The following PPM1L variants were observed in gnomAD, a reference collection of about 807,000 sequenced individuals.
PPM1L encodes the protein protein phosphatase, Mg2+/Mn2+ dependent 1L.
In PPM1L, 13 loss-of-function variants were observed where a neutral mutation model predicts 31.4. That is an observed-to-expected ratio of 0.41 (90% CI 0.27 to 0.66). The LOEUF (loss-of-function observed/expected upper bound fraction) is 0.66, where lower values mean the gene tolerates loss of function less well. Among genes scored for constraint, PPM1L ranks in the 30% least tolerant of loss-of-function variants. The pLI, the probability that PPM1L is intolerant of heterozygous loss-of-function variation, is 0.29. For missense variants in PPM1L, 326 were observed against 453.7 expected, an observed-to-expected ratio of 0.72 and a Z score of 2.56; for synonymous variants, 184 against 175.4, an observed-to-expected ratio of 1.05 and a Z score of -0.39.
At chr3:161,003,331 T>C (rs1717574291) in intron 2 of PPM1L, among the ~76,000 whole-genome samples, 1 of 151,226 alleles carries the variant, frequency 6.6e-6, no homozygotes, top group Non-Finnish European at 1.5e-5. Context: ...GGCTCTTTTT[T>C]GGTTCCATAT....
intron 1 of PPM1L, among the ~76,000 whole-genome samples, chr3:160,913,493 A>G (rs1714043175): frequency 6.6e-6 from 1 of 152,142 alleles, no homozygotes; most frequent in Middle Eastern, 3.2e-3. Context: ...TATAAATACC[A>G]CCACTATCAA....
At chr3:160,977,477 G>A (rs373143787) in intron 2 of PPM1L, among the ~76,000 whole-genome samples, 17 of 152,272 alleles carry the variant, frequency 1.1e-4, no homozygotes, top group African/African-American at 4.1e-4. Context: ...TTTGACTTCT[G>A]TATCTATGAA....
intron 1 of PPM1L, among the ~76,000 whole-genome samples, chr3:160,881,170 G>A (rs1712698310): frequency 6.6e-6 from 1 of 152,240 alleles, no homozygotes; most frequent in East Asian, 1.9e-4. Context: ...AAGGAGTACT[G>A]TACTATTATG....
chr3:160,952,160 A>G (rs575938056), intron 1 of PPM1L, among the ~76,000 whole-genome samples: 2 of 152,176 alleles, frequency 1.3e-5, no homozygotes, highest in African/African-American at 4.8e-5. Flanking sequence ...ATGAGAGAAG[A>G]ATAACTCCCT....
intron 1 of PPM1L, among the ~76,000 whole-genome samples, chr3:160,877,610 A>C (rs968972584): frequency 2.0e-5 from 3 of 152,164 alleles, no homozygotes; most frequent in African/African-American, 7.2e-5. Context: ...AATAGGCAAA[A>C]GAAAGAGAAA....
chr3:160,897,303 A>G (rs1049304614), intron 1 of PPM1L, among the ~76,000 whole-genome samples: 2 of 152,110 alleles, frequency 1.3e-5, no homozygotes, highest in African/African-American at 4.8e-5. Context: ...GGCCTCCCAA[A>G]GTGCTGGGAT....
At chr3:160,875,992 T>TA (rs1190338342) in intron 1 of PPM1L, among the ~76,000 whole-genome samples, 3 of 152,262 alleles carry the variant, frequency 2.0e-5, no homozygotes, top group African/African-American at 7.2e-5. Flanking sequence ...TTATTTGCTG[T>TA]AAGTCCTAGT....
intron 1 of PPM1L, among the ~76,000 whole-genome samples, chr3:160,940,408 C>G (rs1001097740): frequency 6.6e-6 from 1 of 152,188 alleles, no homozygotes; most frequent in Non-Finnish European, 1.5e-5. Context: ...GACCTCATGG[C>G]AGCCCCTCCC....
chr3:160,918,426 G>A (rs1053691439), intron 1 of PPM1L, among the ~76,000 whole-genome samples: 2 of 152,202 alleles, frequency 1.3e-5, no homozygotes, highest in African/African-American at 4.8e-5. Context: ...TGGAAAATTT[G>A]CGCTCTAATC....
At chr3:160,781,403 C>T (rs1711743840) in intron 1 of PPM1L, among the ~76,000 whole-genome samples, 3 of 152,132 alleles carry the variant, frequency 2.0e-5, no homozygotes, top group Admixed American at 6.5e-5. Flanking sequence ...AGATCTTCCT[C>T]GCCAAATAGG....
chr3:160,801,657 C>A (rs555195797), intron 1 of PPM1L, among the ~76,000 whole-genome samples: 1 of 152,292 alleles, frequency 6.6e-6, no homozygotes, highest in Non-Finnish European at 1.5e-5. Flanking sequence ...CTTGCACTCT[C>A]TTGATTTTAC....
At chr3:160,973,764 G>GGTTCTTTTTTTTTTTTTT (rs1716435982) in intron 2 of PPM1L, among the ~76,000 whole-genome samples, 1 of 88,450 alleles carries the variant, frequency 1.1e-5, no homozygotes, top group Non-Finnish European at 2.6e-5. Flanking sequence ...GAAAGGCCCT[G>GGTTCTTTTTTTTTTTTTT]TTTTTTTTTT....
intron 1 of PPM1L, among the ~76,000 whole-genome samples, chr3:160,952,256 G>T (rs1715597354): frequency 6.6e-6 from 1 of 152,186 alleles, no homozygotes. Flanking sequence ...GCTGTCAAAA[G>T]TTAATGATAT....
At chr3:160,838,021 C>T (rs1345516225) in intron 1 of PPM1L, among the ~76,000 whole-genome samples, 4 of 152,092 alleles carry the variant, frequency 2.6e-5, no homozygotes, top group African/African-American at 9.7e-5. Context: ...TGGGGTAGAA[C>T]TGGAAGAGTG....
chr3:160,969,711 G>A (rs1331452576), intron 2 of PPM1L, among the ~76,000 whole-genome samples: 1 of 152,156 alleles, frequency 6.6e-6, no homozygotes, highest in East Asian at 1.9e-4. Context: ...GGGACTTGTT[G>A]ACAAGAATTG....
intron 1 of PPM1L, among the ~76,000 whole-genome samples, chr3:160,951,263 C>T (rs961601735): frequency 2.0e-5 from 3 of 152,162 alleles, no homozygotes; most frequent in Non-Finnish European, 4.4e-5. Flanking sequence ...CATCATGAAA[C>T]TAGTACAAAC....
Position 160,839,178 on chromosome 3 carries a change from A to G in PPM1L, c.399+82471A>G, listed in dbSNP as rs144356255. Among the ~76,000 whole-genome samples the G allele has an allele frequency of 2.9e-3, 441 of 152,330 alleles. 2 individuals are homozygous for G. Among genetic ancestry groups the G allele is most frequent in the Middle Eastern group, 0.01 (3 of 294 alleles). On this transcript the variant is annotated intron_variant, in intron 1 of 3. Transcript: ENST00000498165. Reference sequence around the variant, plus strand: ...AATAAATCTTTATTGTTTATAAATTACCCAGTCTGTGGTAATTGGTTATAG... The same window carrying G: ...AATAAATCTTTATTGTTTATAAATTGCCCAGTCTGTGGTAATTGGTTATAG...
At chr3:161,029,992 A>T (rs1257066745) in intron 2 of PPM1L, among the ~76,000 whole-genome samples, 2 of 152,196 alleles carry the variant, frequency 1.3e-5, no homozygotes, top group Admixed American at 6.5e-5. Flanking sequence ...TGGCCCATGG[A>T]AACTTGGGAA....
intron 1 of PPM1L, among the ~76,000 whole-genome samples, chr3:160,834,845 G>A (rs1328665873): frequency 1.3e-5 from 2 of 152,034 alleles, no homozygotes; most frequent in Non-Finnish European, 2.9e-5. Context: ...AGTGACATTT[G>A]GGATATTTCT....
Sources: allele counts gnomAD v4.1 joint callset (sites outside exome capture counted in the v4.1 genomes callset), GRCh38; gene constraint gnomAD v4.1.1; transcripts MANE v1.5; gene names NCBI Gene and HGNC (gene_info 2026-07-23, HGNC 2026-07-21).